Variants in BANP observed in about 807,000 individuals in gnomAD.
BANP encodes protein BANP.
A neutral mutation model predicts 68.1 loss-of-function variants in BANP; 11 were observed. The observed-to-expected ratio is 0.16, with a 90% CI of 0.10 to 0.27. The LOEUF is 0.27. Ranked by LOEUF, BANP falls within the 10% of genes least tolerant of loss-of-function variation. The pLI, the probability that BANP is intolerant of heterozygous loss-of-function variation, is 1.00. For synonymous variants in BANP, 329 were observed against 303.2 expected (o/e 1.09, Z -0.88); for missense variants, 504 against 722.7 (o/e 0.70, Z 3.47).
intron 11 of BANP, among the ~76,000 whole-genome samples, chr16:88,043,837 A>G (rs2152795156): frequency 6.6e-6 from 1 of 152,354 alleles, no homozygotes; most frequent in Non-Finnish European, 1.5e-5. Context: ...GGTAAGGATA[A>G]TAGAATCTTT....
intron 11 of BANP, among the ~76,000 whole-genome samples, chr16:88,063,501 A>G (rs2087514429): frequency 6.6e-6 from 1 of 151,968 alleles, no homozygotes; most frequent in Non-Finnish European, 1.5e-5. Flanking sequence ...CCCAGCCTGG[A>G]CTCTCAGCCC....
chr16:88,070,078 T>C (rs2089931685), intron 12 of BANP, among the ~76,000 whole-genome samples: 1 of 152,240 alleles, frequency 6.6e-6, no homozygotes, highest in Non-Finnish European at 1.5e-5. Flanking sequence ...TCCTCTCGCC[T>C]GTGCCTTTCT....
At chr16:87,963,836 T>C (rs996052673) in intron 1 of BANP, among the ~76,000 whole-genome samples, 2 of 152,270 alleles carry the variant, frequency 1.3e-5, no homozygotes, top group Admixed American at 1.3e-4. Flanking sequence ...GTTTGTTTTT[T>C]AACTTTGACT....
chr16:88,033,716 A>G (rs2078698967), intron 9 of BANP, among the ~76,000 whole-genome samples: 1 of 152,182 alleles, frequency 6.6e-6, no homozygotes, highest in Non-Finnish European at 1.5e-5. Flanking sequence ...TACTCAGCAC[A>G]CCCAGGTTGG....
chr16:88,076,737 CTCGGCACAGGCA>C lies in BANP; in HGVS notation c.*77_*88del, dbSNP rs2091688751. 2.4e-6 allele frequency: 3 copies of C among 1,258,162 alleles called. No homozygotes were observed. The Admixed American group carries it at 7.1e-5, about 30-fold the overall frequency. 77.9% of individuals were successfully genotyped at this position (1,258,162 alleles called of 1,614,324 possible). On this transcript the variant is annotated 3_prime_UTR_variant, in exon 14 of 14. Coordinates refer to ENST00000682872, the MANE Select transcript of BANP (RefSeq NM_001386991.1). ...CCCCCACGCGCCCTGCTCTCACGGC[CTCGGCACAGGCA>C]GCGGCTGCACGTGTTCTGCTGAAGT...
At chr16:87,973,354 T>A (rs1468537204) in intron 1 of BANP, among the ~76,000 whole-genome samples, 1 of 152,178 alleles carries the variant, frequency 6.6e-6, no homozygotes, top group Admixed American at 6.5e-5. Flanking sequence ...CTTTGCTATT[T>A]TATTGATCGT....
chr16:87,978,863 A>G (rs1397136135), intron 2 of BANP, among the ~76,000 whole-genome samples: 1 of 152,228 alleles, frequency 6.6e-6, no homozygotes, highest in African/African-American at 2.4e-5. Flanking sequence ...GGTGATCGTC[A>G]CGGCTTCCCG....
In BANP at chr16:88,003,577, TTGAGATGAAGC is replaced by T; in HGVS notation, c.363-715_363-705del. ...TGAAAACTGTGGGTGAGTCTGTACT[TTGAGATGAAGC>T]TGTGTTAGCTGCCGCCTGTCTGAAC... On this transcript the variant is annotated intron_variant, in intron 4 of 13. Transcript: ENST00000682872. This position sits in a 1 kb window ranked among gnomAD's most constrained non-coding sequence, Gnocchi z 6.1. 2.2e-6 allele frequency: 1 copy of T among 455,716 alleles called. No individual in the cohort carries two copies. 28.2% of individuals were successfully genotyped at this position (455,716 alleles called of 1,614,324 possible). A position where few individuals can be genotyped will look rare whatever the true frequency, so the allele number is the denominator to read the frequency against.
chr16:87,972,004 G>C (rs2061217698), intron 1 of BANP, among the ~76,000 whole-genome samples: 1 of 152,034 alleles, frequency 6.6e-6, no homozygotes, highest in Non-Finnish European at 1.5e-5. Context: ...ACATGCCCAG[G>C]CTGCTCTTGA....
At chr16:87,960,308 C>T (rs1286621112) in intron 1 of BANP, among the ~76,000 whole-genome samples, 1 of 152,176 alleles carries the variant, frequency 6.6e-6, no homozygotes, top group East Asian at 1.9e-4. Context: ...GATCTGGACC[C>T]AGATGGCTTG....
rs1010570284 is a variant in BANP, at chr16:87,957,058, C to T, written c.-69+5543C>T. ...CTGTGAAGTCACATGAACTTGATTC[C>T]TGTTGGAAAGAACCACTCTGCAATC... is the stretch of plus-strand genomic sequence containing the variant. On this transcript the variant is annotated intron_variant, in intron 1 of 13. Coordinates refer to ENST00000682872, the MANE Select transcript of BANP (RefSeq NM_001386991.1). The surrounding 1 kb of genome is among the most constrained non-coding windows in gnomAD (Gnocchi z 4.3). The T allele has an allele frequency of 7.2e-5, 11 of 152,076 alleles. No individual in the cohort carries two copies. Among genetic ancestry groups the T allele is most frequent in the African/African-American group, 2.7e-4 (11 of 41,300 alleles). 9.4% of individuals were successfully genotyped at this position (152,076 alleles called of 1,614,324 possible).
At chr16:87,985,571 C>CA (rs923372700) in intron 4 of BANP, among the ~76,000 whole-genome samples, 7 of 149,876 alleles carry the variant, frequency 4.7e-5, no homozygotes, top group Admixed American at 1.3e-4. Flanking sequence ...ATTTATGTTT[C>CA]AAAAAAAAAG....
chr16:88,073,244 G>A (rs999161259), intron 13 of BANP, among the ~76,000 whole-genome samples: 6 of 152,240 alleles, frequency 3.9e-5, no homozygotes, highest in Admixed American at 1.3e-4. Context: ...CGCGACAGCC[G>A]TGTGATGATG....
At chr16:87,986,100 C>T (rs1410944892) in intron 4 of BANP, among the ~76,000 whole-genome samples, 1 of 152,146 alleles carries the variant, frequency 6.6e-6, no homozygotes, top group Non-Finnish European at 1.5e-5. Context: ...TGCCAAATTC[C>T]AGTACTCTCT....
Position 87,955,137 on chromosome 16 carries a change from C to T in BANP, c.-69+3622C>T, listed in dbSNP as rs1223798357. Among the ~76,000 whole-genome samples, 4 of 152,176 alleles carry T rather than the reference C, an allele frequency of 2.6e-5. No homozygotes were observed. The East Asian group carries it at 7.7e-4, about 29-fold the overall frequency. On this transcript the variant is annotated intron_variant, in intron 1 of 13. Transcript: ENST00000682872. The stretch of plus-strand genomic sequence containing the variant: ...CTGCCCTGCTGGGGTCCAGGAGGGC[C>T]TGCAGTGAAGCAGTGGTGAGCGTAC...
intron 7 of BANP, among the ~76,000 whole-genome samples, chr16:88,022,318 C>T (rs534057376): frequency 1.3e-5 from 2 of 152,288 alleles, no homozygotes; most frequent in East Asian, 3.9e-4. Context: ...TGTCTAAGGC[C>T]GTGCCACCCT....
At chr16:88,056,861 A>G (rs1049247205) in intron 11 of BANP, among the ~76,000 whole-genome samples, 1 of 152,260 alleles carries the variant, frequency 6.6e-6, no homozygotes. Context: ...ACTGTTGCCA[A>G]GTTAGCAGTT....
chr16:87,973,842 G>C (rs140782442), intron 1 of BANP, among the ~76,000 whole-genome samples: 262 of 152,234 alleles, frequency 1.7e-3, no homozygotes, highest in Non-Finnish European at 3.3e-3. Context: ...AAGGAGAGGA[G>C]GAACTGCATT....
intron 11 of BANP, among the ~76,000 whole-genome samples, chr16:88,040,140 C>A (rs138542237): frequency 0.023 from 3,479 of 152,208 alleles, 143 homozygotes; most frequent in African/African-American, 0.08. Context: ...ATGGCCCCTG[C>A]TTCTCTTGGG....
Sources: gnomAD v4.1 joint callset for allele counts (sites outside exome capture counted in the v4.1 genomes callset) on GRCh38, gnomAD v4.1.1 for gene constraint, Gnocchi (gnomAD v3.1) non-coding constraint, MANE v1.5 for transcripts, NCBI Gene and HGNC (gene_info 2026-07-23, HGNC 2026-07-21) for gene names.